The following MCPH1 variants were observed in gnomAD, a reference collection of about 807,000 sequenced individuals.
The protein encoded by MCPH1 is microcephalin.
In MCPH1, 104 loss-of-function variants were observed where a neutral mutation model predicts 84.5. The ratio of observed to expected loss-of-function variants is 1.23; its 90% confidence interval spans 1.05 to 1.45. MCPH1 has a LOEUF of 1.45. MCPH1 is among the 40% of genes most tolerant of loss of function. The pLI is 0.00. For synonymous variants in MCPH1, 514 were observed against 366.8 expected (o/e 1.40, Z -4.58); for missense variants, 1,498 against 1,005.7 (o/e 1.49, Z -6.62).
At chr8:6,556,835 C>T (rs533639152) in intron 12 of MCPH1, among the ~76,000 whole-genome samples, 11 of 152,202 alleles carry the variant, frequency 7.2e-5, no homozygotes, top group African/African-American at 2.6e-4. Flanking sequence ...AGTGTCTTCC[C>T]ATCTTGGCCT....
intron 12 of MCPH1, among the ~76,000 whole-genome samples, chr8:6,505,721 T>C (rs974904833): frequency 1.5e-5 from 2 of 131,906 alleles, no homozygotes; most frequent in Non-Finnish European, 3.1e-5. Context: ...ATATATATTC[T>C]ATATATATTC....
At chr8:6,621,384 A>C in intron 12 of MCPH1, 70 bp from the exon 13 acceptor site, 3 of 1,580,592 alleles carry the variant, frequency 1.9e-6, no homozygotes, top group Middle Eastern at 1.7e-4. Flanking sequence ...AGTAAACTGC[A>C]ACAGTTCGCC....
intron 3 of MCPH1, among the ~76,000 whole-genome samples, chr8:6,429,096 T>C (rs957913707): frequency 6.6e-6 from 1 of 152,260 alleles, no homozygotes; most frequent in East Asian, 1.9e-4. Context: ...CCACTCTTGA[T>C]TGCAGTGTAC....
chr8:6,555,465 C>CTTT (rs530250678), intron 12 of MCPH1, among the ~76,000 whole-genome samples: 11,715 of 142,518 alleles, frequency 0.082, 1,424 homozygotes, highest in African/African-American at 0.27. Context: ...GTGGTTTGCC[C>CTTT]TTTTTTTTTT....
At chr8:6,406,939 C>T (rs1797800866) in intron 1 of MCPH1, 5 of 539,928 alleles carry the variant, frequency 9.3e-6, no homozygotes, top group South Asian at 1.9e-5. Flanking sequence ...CCCGTGCTCC[C>T]TGTCCCCCCA....
chr8:6,428,304 A>G (rs1401366981), intron 3 of MCPH1, among the ~76,000 whole-genome samples: 2 of 152,174 alleles, frequency 1.3e-5, no homozygotes, highest in Non-Finnish European at 2.9e-5. Flanking sequence ...GCCTGGGCCT[A>G]CACAGGGTTA....
chr8:6,636,106 A>C (rs1042024104), intron 13 of MCPH1, among the ~76,000 whole-genome samples: 3 of 152,238 alleles, frequency 2.0e-5, no homozygotes, highest in Non-Finnish European at 4.4e-5. Flanking sequence ...TGGGAGGCCA[A>C]GGCGGGCAGA....
At chr8:6,535,802 C>T (rs1163726046) in intron 12 of MCPH1, among the ~76,000 whole-genome samples, 1 of 151,858 alleles carries the variant, frequency 6.6e-6, no homozygotes, top group Non-Finnish European at 1.5e-5. Flanking sequence ...AATCCCAGCA[C>T]TTTGGGAGGC....
At position 6,621,021 on chromosome 8, in the gene MCPH1, C is replaced by T. The variant is rs115039916; in HGVS notation, c.2215-433C>T. 1,185 of 250,962 alleles carry T rather than the reference C, an allele frequency of 4.7e-3. 12 individuals carry two copies. Among genetic ancestry groups the T allele is most frequent in the African/African-American group, 0.025 (1,111 of 43,962 alleles). 15.5% of individuals were successfully genotyped at this position (250,962 alleles called of 1,614,324 possible). On this transcript the variant is annotated intron_variant, in intron 12 of 13. Transcript: ENST00000344683. Reference sequence around the variant, plus strand: ...TATAAAAGTCCTTTTCTGCCAACAGCCTGGAGCGCGCTGGATTGAATGACG... The same window carrying T: ...TATAAAAGTCCTTTTCTGCCAACAGTCTGGAGCGCGCTGGATTGAATGACG...
At chr8:6,423,452 C>A (rs565326722) in intron 3 of MCPH1, among the ~76,000 whole-genome samples, 225 of 152,022 alleles carry the variant, frequency 1.5e-3, no homozygotes, top group African/African-American at 5.1e-3. Context: ...GGCATGAGCC[C>A]CTGCGCCCGG....
chr8:6,460,590 T>C (rs2922819), intron 9 of MCPH1, among the ~76,000 whole-genome samples: 38,246 of 152,114 alleles, frequency 0.25, 6,855 homozygotes, highest in African/African-American at 0.51. Flanking sequence ...GAACATATTA[T>C]GCATATTTCT....
At chr8:6,530,952 G>C (rs937241911) in intron 12 of MCPH1, among the ~76,000 whole-genome samples, 3 of 152,160 alleles carry the variant, frequency 2.0e-5, no homozygotes, top group Non-Finnish European at 4.4e-5. Flanking sequence ...TGCTGAAGTA[G>C]CATTTAGGAA....
At position 6,639,382 on chromosome 8, in the gene MCPH1, T is replaced by G. The variant is rs533448703; in HGVS notation, c.2453-3612T>G. ...ATTTATGAATGTAAACATATTATGG[T>G]CAGGTCCAGTGACTCACATGTATAA... On this transcript the variant is annotated intron_variant, in intron 13 of 13. Coordinates refer to ENST00000344683, the MANE Select transcript of MCPH1 (RefSeq NM_024596.5). Among the ~76,000 whole-genome samples the G allele has an allele frequency of 1.1e-3, 174 of 152,332 alleles. 2 individuals are homozygous for G. Among genetic ancestry groups the G allele is most frequent in the African/African-American group, 4.1e-3 (170 of 41,576 alleles).
rs766004097 is a variant in MCPH1 at position 6,444,521 on chromosome 8, C to T, written c.799C>T (p.Leu267Phe). Residue 267 changes from leucine (L) to phenylalanine (F), a missense_variant, in exon 8 of 14, where the codon CTT becomes TTT. Transcript: ENST00000344683. ...TAAAAGTGATGTGTGTATTTCTTCACTTGTATTGAAAGCAAATAATATTCA... is the reference window on the plus strand; with the variant it reads ...TAAAAGTGATGTGTGTATTTCTTCATTTGTATTGAAAGCAAATAATATTCA... ...DIKSDVCISS[L>F]VLKANNIHSS... The T allele has an allele frequency of 3.1e-6, 5 of 1,614,176 alleles. No individual in the cohort carries two copies. Among genetic ancestry groups the T allele is most frequent in the Admixed American group, 1.7e-5 (1 of 60,020 alleles).
intron 12 of MCPH1, chr8:6,562,734 C>T: frequency 1.2e-6 from 2 of 1,613,808 alleles, no homozygotes; most frequent in Non-Finnish European, 1.7e-6. Context: ...GCGGCGCGTC[C>T]CTCTGCACAG....
At chr8:6,561,390 A>C (rs1163202005) in intron 12 of MCPH1, among the ~76,000 whole-genome samples, 1 of 152,214 alleles carries the variant, frequency 6.6e-6, no homozygotes, top group Non-Finnish European at 1.5e-5. Flanking sequence ...TCATTCATTT[A>C]AGCTCATGAC....
At chr8:6,622,498 C>A (rs1053973947) in intron 13 of MCPH1, among the ~76,000 whole-genome samples, 4 of 152,220 alleles carry the variant, frequency 2.6e-5, no homozygotes, top group Admixed American at 2.6e-4. Flanking sequence ...AAGCCTAGGG[C>A]TCCACTGTGG....
At chr8:6,522,386 G>T (rs1211935844) in intron 12 of MCPH1, among the ~76,000 whole-genome samples, 1 of 151,706 alleles carries the variant, frequency 6.6e-6, no homozygotes, top group Non-Finnish European at 1.5e-5. Context: ...TAAACGCTTA[G>T]ACTAGCGCCT....
chr8:6,467,740 G>A (rs1457558929), intron 9 of MCPH1, among the ~76,000 whole-genome samples: 1 of 152,190 alleles, frequency 6.6e-6, no homozygotes, highest in Non-Finnish European at 1.5e-5. Flanking sequence ...GAGACTCCAG[G>A]CAGGTGCCAC....
Sources: allele counts gnomAD v4.1 joint callset (sites outside exome capture counted in the v4.1 genomes callset), GRCh38; gene constraint gnomAD v4.1.1; transcripts MANE v1.5; gene names NCBI Gene and HGNC (gene_info 2026-07-23, HGNC 2026-07-21).